The following STAG2 variants were observed in gnomAD, a reference collection of about 807,000 sequenced individuals.
The protein encoded by STAG2 is STAG2 cohesin complex component, also known as cohesin subunit SA-2.
A neutral mutation model predicts 108.1 loss-of-function variants in STAG2; 14 were observed. That is an observed-to-expected ratio of 0.13 (90% confidence interval 0.09 to 0.20). The LOEUF (loss-of-function observed/expected upper bound fraction) is 0.20. STAG2 is among the 10% of genes least tolerant of loss of function. The probability of loss-of-function intolerance (pLI) is 1.00; values close to 1 mark genes in which losing one functional copy is unlikely to be tolerated. For synonymous variants in STAG2, 307 were observed against 302.7 expected (o/e 1.01, Z -0.15); for missense variants, 440 against 940.9 (o/e 0.47, Z 6.96).
intron 6 of STAG2, 48 bp from the exon 7 acceptor site, chrX:124,042,521 A>G: frequency 2.1e-6 from 2 of 966,448 alleles, no homozygotes; most frequent in Non-Finnish European, 2.9e-6. Context: ...AGTTTTCTTT[A>G]TTTTTTTATC....
intron 4 of STAG2, among the ~76,000 whole-genome samples, chrX:124,027,575 G>A (rs1259138729): frequency 9.0e-6 from 1 of 111,683 alleles, no homozygotes; most frequent in African/African-American, 3.3e-5. Context: ...AGGTTATATA[G>A]CTACTACTGT....
At chrX:124,042,506 T>C in intron 6 of STAG2, 63 bp from the exon 7 acceptor site, 1 of 815,399 alleles carries the variant, frequency 1.2e-6, no homozygotes, top group Non-Finnish European at 1.8e-6. Context: ...AGAGACTTAC[T>C]TGGAAGTTTT....
chrX:124,069,705 A>AT (rs909036009), intron 24 of STAG2, among the ~76,000 whole-genome samples: 2 of 111,023 alleles, frequency 1.8e-5, no homozygotes, highest in East Asian at 2.8e-4. Context: ...GAATTTTGCT[A>AT]TTTTTTTCCA....
intron 1 of STAG2, among the ~76,000 whole-genome samples, chrX:123,998,513 A>G (rs1162274171): frequency 4.8e-5 from 5 of 103,929 alleles, no homozygotes; most frequent in African/African-American, 1.8e-4. Context: ...GAACAGTTAT[A>G]TCGTTTTCCA....
chrX:123,998,590 CTAT>C (rs1385526533), intron 1 of STAG2, among the ~76,000 whole-genome samples: 9 of 13,041 alleles, frequency 6.9e-4, no homozygotes, highest in East Asian at 5.4e-3. Flanking sequence ...GTCTATCCAT[CTAT>C]CTATCTATCT....
chrX:124,065,498 T>C (rs930265481), intron 20 of STAG2, among the ~76,000 whole-genome samples: 11 of 111,607 alleles, frequency 9.9e-5, no homozygotes, highest in African/African-American at 2.6e-4. Flanking sequence ...CATGATGATA[T>C]ATGTTTAAGG....
At chrX:123,989,513 A>G (rs753192240) in intron 1 of STAG2, among the ~76,000 whole-genome samples, 3 of 111,050 alleles carry the variant, frequency 2.7e-5, no homozygotes. Context: ...AAATGCAAAA[A>G]TTTTATTTAA....
chrX:123,972,865 A>AC (rs2054426852), intron 1 of STAG2, among the ~76,000 whole-genome samples: 1 of 79,374 alleles, frequency 1.3e-5, no homozygotes, highest in East Asian at 4.4e-4. Context: ...TACCAAAAAT[A>AC]CAAAAAAAAA....
At chrX:123,976,541 G>A (rs1342721862) in intron 1 of STAG2, among the ~76,000 whole-genome samples, 1 of 110,211 alleles carries the variant, frequency 9.1e-6, no homozygotes, top group Non-Finnish European at 1.9e-5. Flanking sequence ...TTAAAGAAAT[G>A]TAAACCTGCA....
At chrX:124,050,644 A>T (rs1303250210) in intron 11 of STAG2, among the ~76,000 whole-genome samples, 1 of 111,252 alleles carries the variant, frequency 9.0e-6, no homozygotes, top group Non-Finnish European at 1.9e-5. Context: ...TAAAAAAAAA[A>T]TTATTCAATT....
chrX:124,076,520 T>G, intron 26 of STAG2, 49 bp downstream of exon 26: 1 of 1,046,031 alleles, frequency 9.6e-7, no homozygotes, highest in Non-Finnish European at 1.3e-6. Context: ...GCAACGCTAG[T>G]TTTTATGCAT....
intron 27 of STAG2, 135 bp downstream of exon 27, chrX:124,078,193 G>A: frequency 2.2e-6 from 1 of 447,225 alleles, no homozygotes; most frequent in East Asian, 4.5e-5. Context: ...GTATAAGTGA[G>A]ATTATTTTTT....
chrX:123,997,260 T>G (rs1029716603), intron 1 of STAG2, among the ~76,000 whole-genome samples: 2 of 112,660 alleles, frequency 1.8e-5, no homozygotes, highest in Non-Finnish European at 3.7e-5. Flanking sequence ...GAAAAAAATT[T>G]TAGTAGAATT....
intron 9 of STAG2, among the ~76,000 whole-genome samples, chrX:124,048,225 T>G (rs969831248): frequency 8.9e-6 from 1 of 111,974 alleles, no homozygotes; most frequent in Admixed American, 9.5e-5. Flanking sequence ...TAGCTAATTT[T>G]AAATTGGTTA....
At chrX:124,069,054 C>T (rs1042921122) in intron 24 of STAG2, among the ~76,000 whole-genome samples, 4 of 111,572 alleles carry the variant, frequency 3.6e-5, no homozygotes, top group Middle Eastern at 4.6e-3. Context: ...TTGGCATTCT[C>T]GCTCATCCTG....
intron 6 of STAG2, among the ~76,000 whole-genome samples, chrX:124,042,259 CAA>C: frequency 9.0e-6 from 1 of 110,802 alleles, no homozygotes; most frequent in African/African-American, 3.3e-5. Flanking sequence ...GTTAAAGAGA[CAA>C]AGCCAATATA....
chrX:124,093,472 C>CTTTTTTTT (rs56165276), intron 32 of STAG2, among the ~76,000 whole-genome samples: 1 of 82,311 alleles, frequency 1.2e-5, no homozygotes, highest in Non-Finnish European at 2.4e-5. Context: ...TCTTATTCAT[C>CTTTTTTTT]TTTTTTTTTT....
intron 23 of STAG2, 49 bp downstream of exon 23, chrX:124,066,485 G>T: frequency 1.1e-6 from 1 of 928,411 alleles, no homozygotes; most frequent in Non-Finnish European, 1.5e-6. Context: ...ATCATTAACT[G>T]TTTTCAGCAA....
At chrX:124,061,956 T>C in intron 17 of STAG2, 82 bp downstream of exon 17, 1 of 764,575 alleles carries the variant, frequency 1.3e-6, no homozygotes, top group Non-Finnish European at 1.8e-6. Flanking sequence ...ATTTTAGCCA[T>C]GAAACAATTT....
Sources: allele counts gnomAD v4.1 joint callset (sites outside exome capture counted in the v4.1 genomes callset), GRCh38; gene constraint gnomAD v4.1.1; transcripts MANE v1.5; gene names NCBI Gene and HGNC (gene_info 2026-07-23, HGNC 2026-07-21).